Variants in PTDSS2 observed in about 807,000 individuals in gnomAD.
PTDSS2 encodes the protein PSS-2.
A neutral mutation model predicts 64.7 loss-of-function variants in PTDSS2; 41 were observed. The ratio of observed to expected loss-of-function variants is 0.63; its 90% CI spans 0.49 to 0.82. The LOEUF (loss-of-function observed/expected upper bound fraction) is 0.82, where lower values mean the gene tolerates loss of function less well. Ranked by LOEUF, PTDSS2 falls within the 40% of genes least tolerant of loss-of-function variation. The pLI is 0.00. For missense variants in PTDSS2, 485 were observed against 650.0 expected, an observed-to-expected ratio of 0.75 and a Z score of 2.76; for synonymous variants, 297 against 277.8, an observed-to-expected ratio of 1.07 and a Z score of -0.69.
chr11:477,879 G>A (rs1007618527), intron 3 of PTDSS2, among the ~76,000 whole-genome samples: 8 of 152,234 alleles, frequency 5.3e-5, no homozygotes, highest in Non-Finnish European at 1.2e-4. Flanking sequence ...AGAAGTTTGT[G>A]ATCTCAGTCG....
chr11:479,485 C>A lies in PTDSS2; in HGVS notation c.435+333C>A. ...GGTGCAGGCACAGAAGAGGGCAGGG[C>A]CAGTGGTGCAGCTGCCAGGGTGGCT... On this transcript the variant is annotated intron_variant, in intron 4 of 11. Transcript: ENST00000308020. This position sits in a 1 kb window ranked among gnomAD's most constrained non-coding sequence, Gnocchi z 4.2. 2.5e-6 allele frequency: 1 copy of A among 396,114 alleles called. No homozygotes were observed. The highest frequency in any genetic ancestry group is 2.7e-5 in the South Asian group (1 of 36,522). 24.5% of individuals were successfully genotyped at this position (396,114 alleles called of 1,614,324 possible).
intron 11 of PTDSS2, 32 bp from the exon 12 acceptor site, chr11:490,388 G>A: frequency 1.2e-6 from 2 of 1,612,910 alleles, no homozygotes; most frequent in Non-Finnish European, 1.7e-6. Flanking sequence ...CTGGTGTGGG[G>A]GCAGGTGGTG....
chr11:485,104 AAAC>A (rs60153847), intron 4 of PTDSS2, among the ~76,000 whole-genome samples: 9 of 83,204 alleles, frequency 1.1e-4, no homozygotes, highest in Admixed American at 8.0e-4. Context: ...AGGCGAGTGT[AAAC>A]AGTGCACGGG....
intron 10 of PTDSS2, 59 bp downstream of exon 10, chr11:489,792 G>T (rs894892286): frequency 3.2e-6 from 5 of 1,573,432 alleles, no homozygotes; most frequent in Non-Finnish European, 4.3e-6. Flanking sequence ...CGGAGGGCTG[G>T]GGAGCAGAGC....
rs747686376 is a variant in PTDSS2, at chr11:489,873, G to A, written c.1116-10G>A. ...GGCCCGGGACGCTGAACCCCCTGCT[G>A]CCCCTGCAGGAAGCCCCACAAGAAG... On this transcript the variant is annotated splice_polypyrimidine_tract_variant and intron_variant, in intron 10 of 11. Transcript: ENST00000308020. 2 of 1,573,968 alleles carry A rather than the reference G, an allele frequency of 1.3e-6. No individual in the cohort carries two copies. The highest frequency in any genetic ancestry group is 3.7e-5 in the Admixed American group (2 of 53,584).
intron 1 of PTDSS2, among the ~76,000 whole-genome samples, chr11:458,343 T>C (rs1344393233): frequency 6.6e-6 from 1 of 151,678 alleles, no homozygotes; most frequent in Non-Finnish European, 1.5e-5. Context: ...TAGCTGGGAC[T>C]ACAGGCGCCC....
intron 2 of PTDSS2, among the ~76,000 whole-genome samples, chr11:469,423 G>A (rs1447930600): frequency 1.9e-5 from 2 of 106,562 alleles, no homozygotes; most frequent in Non-Finnish European, 3.7e-5. Context: ...CTGGGTACTC[G>A]GAGGAGGAGG....
In PTDSS2 at chr11:462,560, C is replaced by A. The variant is rs779940008; in HGVS notation, c.284+2272C>A. Among the ~76,000 whole-genome samples, 1 of 152,224 alleles carries A rather than the reference C, an allele frequency of 6.6e-6. No individual in the cohort carries two copies. ...CCTAGAACCTGCTCTGGGCTCCTTC[C>A]TGGAAGGCTCGGCTGCCCCAGGTCA... On this transcript the variant is annotated intron_variant, in intron 2 of 11. Coordinates refer to ENST00000308020, the MANE Select transcript of PTDSS2 (RefSeq NM_030783.3). The surrounding 1 kb of genome is among the most constrained non-coding windows in gnomAD (Gnocchi z 4.5).
At chr11:455,400 C>T (rs568244749) in intron 1 of PTDSS2, among the ~76,000 whole-genome samples, 210 of 152,298 alleles carry the variant, frequency 1.4e-3, no homozygotes, top group Admixed American at 2.9e-3. Context: ...GCTCCTGTCC[C>T]GGCATCTGCA....
At chr11:482,325 C>T (rs1417873278) in intron 4 of PTDSS2, among the ~76,000 whole-genome samples, 6 of 151,436 alleles carry the variant, frequency 4.0e-5, no homozygotes, top group East Asian at 1.9e-4. Flanking sequence ...CAGGTTCTAG[C>T]GATTCTCGTG....
chr11:490,178 A>G, intron 11 of PTDSS2, 110 bp downstream of exon 11: 1 of 1,296,472 alleles, frequency 7.7e-7, no homozygotes, highest in Non-Finnish European at 1.1e-6. Context: ...CCCTGCTTCA[A>G]CCCTCTGGCC....
Position 488,720 on chromosome 11 carries a change from G to A in PTDSS2, c.854+73G>A, listed in dbSNP as rs944371130. On this transcript the variant is annotated intron_variant, in intron 8 of 11. Coordinates refer to ENST00000308020, the MANE Select transcript of PTDSS2 (RefSeq NM_030783.3). The stretch of plus-strand genomic sequence containing the variant: ...AGGCAGCCTCAGCGTCCGTGCTCCA[G>A]CAGACCCCGAGCACCAGGCCCGTCC... The A allele has an allele frequency of 5.3e-6, 6 of 1,123,816 alleles. No individual in the cohort carries two copies. The African/African-American group carries it at 9.2e-5, about 17-fold the overall frequency. 69.6% of individuals were successfully genotyped at this position (1,123,816 alleles called of 1,614,324 possible). A position where few individuals can be genotyped will look rare whatever the true frequency, so the allele number is the denominator to read the frequency against.
chr11:450,460 G>A lies in PTDSS2; in HGVS notation c.5G>A (p.Arg2Gln). 8.1e-7 allele frequency: 1 copy of A among 1,228,714 alleles called. No homozygotes were observed. Among genetic ancestry groups the A allele is most frequent in the Non-Finnish European group, 1.0e-6 (1 of 982,928 alleles). 76.1% of individuals were successfully genotyped at this position (1,228,714 alleles called of 1,614,324 possible). A position where few individuals can be genotyped will look rare whatever the true frequency, so the allele number is the denominator to read the frequency against. Reference protein sequence around the residue: MRRGERRDAGGP... With the variant: MQRGERRDAGGP... ...GTGGCTCCGGGCCGAAACGCCATGC[G>A]GAGGGGCGAGCGCAGGGACGCCGGA... Residue 2 changes from arginine (R) to glutamine (Q), a missense_variant, in exon 1 of 12, where the codon CGG becomes CAG. Arg to Gln is a conservative substitution (Grantham distance 43). This residue lies in a region of PTDSS2 where 251 missense variants were observed against 348.0 expected (regional missense o/e 0.72). Coordinates refer to ENST00000308020, the MANE Select transcript of PTDSS2 (RefSeq NM_030783.3).
chr11:451,174 C>T (rs775733941), intron 1 of PTDSS2, among the ~76,000 whole-genome samples: 3 of 152,214 alleles, frequency 2.0e-5, no homozygotes, highest in African/African-American at 4.8e-5. Flanking sequence ...AGTCGGTGTT[C>T]GTCGAATCCA....
intron 1 of PTDSS2, chr11:451,351 GA>G (rs1846319278): frequency 5.4e-5 from 24 of 442,944 alleles, no homozygotes; most frequent in Admixed American, 2.8e-4. Flanking sequence ...TCTGTGTCCA[GA>G]CAGGCTCCAG....
rs75762198 is a variant in PTDSS2, at chr11:473,208, C to T, written c.285-687C>T. On this transcript the variant is annotated intron_variant, in intron 2 of 11. Coordinates refer to ENST00000308020, the MANE Select transcript of PTDSS2 (RefSeq NM_030783.3). ...GGGAGCACCTTGCCCCTGCCCAGAG[C>T]GGTCCCTCGCATCCTCCTTCCCGTG... is the stretch of plus-strand genomic sequence containing the variant. Among the ~76,000 whole-genome samples the T allele has an allele frequency of 7.6e-3, 1,158 of 152,350 alleles. 12 individuals are homozygous for T. Among genetic ancestry groups the T allele is most frequent in the African/African-American group, 0.026 (1,069 of 41,576 alleles).
At chr11:464,957 T>A (rs1337160559) in intron 2 of PTDSS2, among the ~76,000 whole-genome samples, 1 of 152,170 alleles carries the variant, frequency 6.6e-6, no homozygotes, top group African/African-American at 2.4e-5. Flanking sequence ...CAAGACTTCC[T>A]GTCAAAAATG....
intron 1 of PTDSS2, chr11:451,299 T>C: frequency 2.4e-6 from 1 of 410,196 alleles, no homozygotes; most frequent in Non-Finnish European, 5.1e-6. Context: ...TTAATGGGGG[T>C]GGAAAAGGAA....
rs963922583 is a variant in PTDSS2, at chr11:461,285, T to C, written c.284+997T>C. On this transcript the variant is annotated intron_variant, in intron 2 of 11. Coordinates refer to ENST00000308020, the MANE Select transcript of PTDSS2 (RefSeq NM_030783.3). The surrounding 1 kb of genome is among the most constrained non-coding windows in gnomAD (Gnocchi z 4.2). ...GTCATCACGCTTGCACGGGCGTTGG[T>C]GGCCCTGTTTGCCCACTGATTTGAC... Among the ~76,000 whole-genome samples the C allele has an allele frequency of 1.3e-5, 2 of 152,218 alleles. No individual in the cohort carries two copies. The highest frequency in any genetic ancestry group is 1.3e-4 in the Admixed American group (2 of 15,282).
Sources: allele counts gnomAD v4.1 joint callset (sites outside exome capture counted in the v4.1 genomes callset), GRCh38; gene constraint gnomAD v4.1.1; regional missense constraint gnomAD v4.1.1; non-coding constraint Gnocchi (gnomAD v3.1); transcripts MANE v1.5; gene names NCBI Gene and HGNC (gene_info 2026-07-23, HGNC 2026-07-21).